MRPS6: variants seen among roughly 807,000 people sequenced by gnomAD.
MRPS6 encodes mitochondrial ribosomal protein S6.
A neutral mutation model predicts 13.1 loss-of-function variants in MRPS6; 6 were observed. The ratio of observed to expected loss-of-function variants is 0.46; its 90% CI spans 0.25 to 0.91. MRPS6 has a LOEUF of 0.91. Ranked by LOEUF, MRPS6 falls within the 40% of genes least tolerant of loss-of-function variation. The pLI, the probability that MRPS6 is intolerant of heterozygous loss-of-function variation, is 0.18. For missense variants in MRPS6, 164 were observed against 155.6 expected, an observed-to-expected ratio of 1.05 and a Z score of -0.29; for synonymous variants, 61 against 56.5, an observed-to-expected ratio of 1.08 and a Z score of -0.36.
intron 1 of MRPS6, among the ~76,000 whole-genome samples, chr21:34,090,648 G>A (rs1978638329): frequency 1.3e-5 from 2 of 152,160 alleles, no homozygotes; most frequent in Admixed American, 1.3e-4. Context: ...AGGTTGTAGG[G>A]AGTAAACTGA....
At chr21:34,130,301 AT>A (rs1384359405) in intron 2 of MRPS6, among the ~76,000 whole-genome samples, 7 of 152,202 alleles carry the variant, frequency 4.6e-5, no homozygotes, top group Admixed American at 3.3e-4. Context: ...CAACCTTTAC[AT>A]TTAAGGGCAC....
intron 1 of MRPS6, among the ~76,000 whole-genome samples, chr21:34,088,768 CATA>C: frequency 6.6e-6 from 1 of 152,126 alleles, no homozygotes; most frequent in Middle Eastern, 3.4e-3. Flanking sequence ...GTAAAATGGT[CATA>C]ATAATTGTAC....
chr21:34,075,539 G>A (rs1050024584), intron 1 of MRPS6, among the ~76,000 whole-genome samples: 2 of 151,830 alleles, frequency 1.3e-5, no homozygotes, highest in African/African-American at 4.8e-5. Flanking sequence ...ATGAGGGAAG[G>A]GGGGCAAAAA....
intron 1 of MRPS6, chr21:34,095,654 G>A (rs1230460142): frequency 6.2e-7 from 1 of 1,613,466 alleles, no homozygotes; most frequent in Non-Finnish European, 8.5e-7. Context: ...TTATCCAGGA[G>A]TCTTTGGGTT....
chr21:34,128,174 G>A (rs1569424401), intron 2 of MRPS6, among the ~76,000 whole-genome samples: 1 of 152,170 alleles, frequency 6.6e-6, no homozygotes, highest in Non-Finnish European at 1.5e-5. Context: ...TGGTCTCAAG[G>A]AGTTTTCAGT....
At chr21:34,076,966 T>G (rs534904965) in intron 1 of MRPS6, among the ~76,000 whole-genome samples, 1 of 152,330 alleles carries the variant, frequency 6.6e-6, no homozygotes, top group African/African-American at 2.4e-5. Context: ...CAGTCCCAGG[T>G]AGCCTCATTT....
intron 1 of MRPS6, among the ~76,000 whole-genome samples, chr21:34,116,326 T>G (rs551228824): frequency 6.6e-6 from 1 of 151,614 alleles, no homozygotes; most frequent in South Asian, 2.1e-4. Flanking sequence ...ATGTTTTTTT[T>G]TTTTTTTTTA....
At chr21:34,078,955 G>C (rs1308686217) in intron 1 of MRPS6, among the ~76,000 whole-genome samples, 1 of 152,154 alleles carries the variant, frequency 6.6e-6, no homozygotes, top group Non-Finnish European at 1.5e-5. Context: ...TTACCTCTTA[G>C]GGGAATCCTT....
At chr21:34,095,568 G>T (rs1445046896) in intron 1 of MRPS6, 3 of 1,613,714 alleles carry the variant, frequency 1.9e-6, no homozygotes, top group African/African-American at 1.3e-5. Flanking sequence ...TAGGATTCAG[G>T]TCTATTTTGC....
chr21:34,086,449 C>T (rs1334413035), intron 1 of MRPS6, among the ~76,000 whole-genome samples: 1 of 152,006 alleles, frequency 6.6e-6, no homozygotes, highest in Non-Finnish European at 1.5e-5. Context: ...TGATTTTTCT[C>T]ATTACATTAG....
chr21:34,081,409 G>A (rs576383077), intron 1 of MRPS6, among the ~76,000 whole-genome samples: 1 of 152,278 alleles, frequency 6.6e-6, no homozygotes, highest in South Asian at 2.1e-4. Flanking sequence ...ATAGTTTTAT[G>A]ACTGGATATG....
At chr21:34,097,123 AAG>A (rs752605568) in intron 1 of MRPS6, 1 of 1,614,034 alleles carries the variant, frequency 6.2e-7, no homozygotes, top group African/African-American at 1.3e-5. Flanking sequence ...ATGGGTGAGA[AAG>A]AGAGAAAGAA....
At chr21:34,111,860 T>G (rs1236536155) in intron 1 of MRPS6, among the ~76,000 whole-genome samples, 1 of 149,214 alleles carries the variant, frequency 6.7e-6, no homozygotes, top group Non-Finnish European at 1.5e-5. Flanking sequence ...TTTTTTTTTT[T>G]GTTGCTGTAT....
chr21:34,112,431 A>G (rs1398081822), intron 1 of MRPS6, among the ~76,000 whole-genome samples: 2 of 152,224 alleles, frequency 1.3e-5, no homozygotes, highest in East Asian at 3.8e-4. Context: ...CTTTTCAAAA[A>G]AACAGTTTGA....
At chr21:34,116,616 C>CT (rs1979923361) in intron 1 of MRPS6, among the ~76,000 whole-genome samples, 1 of 98 alleles carries the variant, frequency 0.01, no homozygotes, top group South Asian at 0.5. Context: ...CAGACCCTGG[C>CT]TACGGATGAA....
chr21:34,129,379 C>T (rs1053951934), intron 2 of MRPS6, among the ~76,000 whole-genome samples: 1 of 152,184 alleles, frequency 6.6e-6, no homozygotes, highest in Non-Finnish European at 1.5e-5. Flanking sequence ...GATGCCTCTG[C>T]TCTGTTTCTA....
At chr21:34,100,296 A>T in intron 1 of MRPS6, 3 of 1,000,234 alleles carry the variant, frequency 3.0e-6, no homozygotes, top group South Asian at 4.7e-5. Context: ...ATTGGTATGC[A>T]GGATGATTAT....
At chr21:34,102,140 G>C (rs773357098) in intron 1 of MRPS6, 5 of 1,000,024 alleles carry the variant, frequency 5.0e-6, no homozygotes, top group Non-Finnish European at 6.0e-6. Context: ...GAATGTTTTT[G>C]TCAGACTGTC....
intron 1 of MRPS6, among the ~76,000 whole-genome samples, chr21:34,107,042 G>T (rs767321169): frequency 7.2e-5 from 11 of 151,928 alleles, no homozygotes; most frequent in Non-Finnish European, 4.4e-5. Flanking sequence ...AGCAATTCTC[G>T]TGCCTCAACC....
Sources: gnomAD v4.1 joint callset for allele counts (sites outside exome capture counted in the v4.1 genomes callset) on GRCh38, gnomAD v4.1.1 for gene constraint, MANE v1.5 for transcripts, NCBI Gene and HGNC (gene_info 2026-07-23, HGNC 2026-07-21) for gene names.